The following WDTC1 variants were observed in gnomAD, a reference collection of about 807,000 sequenced individuals.
WDTC1 encodes WD and tetratricopeptide repeats protein 1.
In WDTC1, 12 loss-of-function variants were observed where a neutral mutation model predicts 76.0. The observed-to-expected ratio is 0.16, with a 90% CI of 0.10 to 0.26. The LOEUF is 0.26. Ranked by LOEUF, WDTC1 falls within the 10% of genes least tolerant of loss-of-function variation. The probability of loss-of-function intolerance (pLI) is 1.00; values close to 1 mark genes in which losing one functional copy is unlikely to be tolerated. For missense variants in WDTC1, 511 were observed against 908.8 expected (o/e 0.56, Z 5.63); for synonymous variants, 326 against 350.8 (o/e 0.93, Z 0.79).
intron 6 of WDTC1, 148 bp downstream of exon 6, chr1:27,288,009 T>C: frequency 1.0e-6 from 1 of 1,001,750 alleles, no homozygotes; most frequent in South Asian, 1.7e-5. Context: ...CAAACTCCAC[T>C]GGGAACATTT....
At chr1:27,275,222 T>G (rs1489483586) in intron 3 of WDTC1, among the ~76,000 whole-genome samples, 1 of 152,196 alleles carries the variant, frequency 6.6e-6, no homozygotes, top group East Asian at 1.9e-4. Context: ...ACATTCAAAT[T>G]ATGAATTTAT....
chr1:27,256,251 G>C (rs981538381), intron 1 of WDTC1, among the ~76,000 whole-genome samples: 1 of 152,084 alleles, frequency 6.6e-6, no homozygotes, highest in Non-Finnish European at 1.5e-5. Flanking sequence ...AATGGCCACT[G>C]TGGCCACCCC....
chr1:27,308,174 C>G lies in WDTC1; in HGVS notation c.*1791C>G, dbSNP rs1177962941. 6.6e-6 allele frequency: 1 copy of G among 152,206 alleles called. No individual in the cohort carries two copies. Among genetic ancestry groups the G allele is most frequent in the Non-Finnish European group, 1.5e-5 (1 of 68,070 alleles). The allele number at this position is 152,206 out of a possible 1,614,324, so 9.4% of individuals were successfully genotyped here. ...CTTACTGTCCTCTGGGGGCAGGAGC[C>G]GAGCCTTTTTGTTGCTCCGCTCCCA... On this transcript the variant is annotated 3_prime_UTR_variant, in exon 16 of 16. Coordinates refer to ENST00000319394, the MANE Select transcript of WDTC1 (RefSeq NM_001276252.2).
rs34447091 is a variant in WDTC1 at position 27,269,164 on chromosome 1, CAAAAAAAAAAA to C, written c.132+5946_132+5956del. 5.2e-3 allele frequency among the ~76,000 whole-genome samples: 304 copies of C among 58,852 alleles called. 1 individual carries two copies. The highest frequency in any genetic ancestry group is 0.017 in the African/African-American group (186 of 11,080). The allele number at this position is 58,852 out of a possible 152,430, so 38.6% of individuals were successfully genotyped here. On this transcript the variant is annotated intron_variant, in intron 3 of 15. Coordinates refer to ENST00000319394, the MANE Select transcript of WDTC1 (RefSeq NM_001276252.2). ...GTAACATAAGGAGGCCCTGTTTCTCCAAAAAAAAAAAAAAAAAAAAAAAAAAATCAGCTAGG... is the reference window on the plus strand; with the variant it reads ...GTAACATAAGGAGGCCCTGTTTCTCCAAAAAAAAAAAAAAAATCAGCTAGG...
intron 2 of WDTC1, among the ~76,000 whole-genome samples, chr1:27,262,865 A>G (rs1022821277): frequency 5.9e-5 from 9 of 151,856 alleles, no homozygotes; most frequent in Non-Finnish European, 1.2e-4. Flanking sequence ...CAACCTAAAT[A>G]TGGAACTATT....
intron 3 of WDTC1, among the ~76,000 whole-genome samples, chr1:27,273,206 CTT>C (rs57130485): frequency 9.6e-6 from 1 of 103,670 alleles, no homozygotes; most frequent in East Asian, 2.8e-4. Context: ...TTTTTCTTTT[CTT>C]TTTTTTTTTT....
chr1:27,242,734 G>T lies in WDTC1; in HGVS notation c.-100+7783G>T, dbSNP rs2011668703. Among the ~76,000 whole-genome samples, 4 of 152,114 alleles carry T rather than the reference G, an allele frequency of 2.6e-5. No homozygotes were observed. In the South Asian group the frequency reaches 6.2e-4, roughly 24 times the overall value. The stretch of plus-strand genomic sequence containing the variant: ...TTCACCCACCTCGGCCTCCCAAAGT[G>T]CTGGGATTACAGGCGTGAGCCACCG... On this transcript the variant is annotated intron_variant, in intron 1 of 15. Coordinates refer to ENST00000319394, the MANE Select transcript of WDTC1 (RefSeq NM_001276252.2).
chr1:27,238,123 T>C (rs1158262004), intron 1 of WDTC1, among the ~76,000 whole-genome samples: 1 of 152,148 alleles, frequency 6.6e-6, no homozygotes, highest in Non-Finnish European at 1.5e-5. Flanking sequence ...ATTAAGTTAT[T>C]TGCTTAAGGT....
chr1:27,271,928 C>T (rs1389321875), intron 3 of WDTC1, among the ~76,000 whole-genome samples: 2 of 150,396 alleles, frequency 1.3e-5, no homozygotes, highest in East Asian at 2.0e-4. Flanking sequence ...TAAGCCACTG[C>T]GCCCGGCCTA....
chr1:27,284,267 C>T (rs986764266), intron 5 of WDTC1, among the ~76,000 whole-genome samples: 4 of 152,154 alleles, frequency 2.6e-5, no homozygotes, highest in Non-Finnish European at 4.4e-5. Context: ...CTTGTCCACT[C>T]GCCAGGTGCT....
chr1:27,266,415 T>C (rs2012678522), intron 3 of WDTC1, among the ~76,000 whole-genome samples: 1 of 152,204 alleles, frequency 6.6e-6, no homozygotes. Context: ...AAAATACCTC[T>C]ATAAGCAATA....
chr1:27,253,347 C>G (rs1416683204), intron 1 of WDTC1, among the ~76,000 whole-genome samples: 1 of 150,566 alleles, frequency 6.6e-6, no homozygotes, highest in Non-Finnish European at 1.5e-5. Context: ...CTTCTTCTTT[C>G]TTCTTTCTTC....
At chr1:27,273,271 C>T (rs1204918510) in intron 3 of WDTC1, among the ~76,000 whole-genome samples, 3 of 138,004 alleles carry the variant, frequency 2.2e-5, no homozygotes, top group Admixed American at 8.3e-5. Flanking sequence ...TGCAGTGGCA[C>T]GATCTTGGCT....
At chr1:27,289,559 C>T (rs937397680) in intron 6 of WDTC1, among the ~76,000 whole-genome samples, 5 of 151,578 alleles carry the variant, frequency 3.3e-5, no homozygotes, top group African/African-American at 7.3e-5. Flanking sequence ...CAGGCAGAGA[C>T]GCTCCTCACT....
At chr1:27,288,905 C>T (rs1406644274) in intron 6 of WDTC1, among the ~76,000 whole-genome samples, 9 of 152,126 alleles carry the variant, frequency 5.9e-5, no homozygotes, top group Non-Finnish European at 1.3e-4. Context: ...CAGAGGGGCT[C>T]CTCACTTCCC....
In WDTC1 at chr1:27,256,243, T is replaced by G. The variant is rs1443343892; in HGVS notation, c.-99-4713T>G. 2.0e-5 allele frequency among the ~76,000 whole-genome samples: 3 copies of G among 152,060 alleles called. No individual in the cohort carries two copies. The South Asian group carries it at 6.2e-4, about 32-fold the overall frequency. On this transcript the variant is annotated intron_variant, in intron 1 of 15. Coordinates refer to ENST00000319394, the MANE Select transcript of WDTC1 (RefSeq NM_001276252.2). Reference sequence around the variant, plus strand: ...ACACCACCTGCTGCACTGGACTTAATGGCCACTGTGGCCACCCCTTGCTAC... The same window carrying G: ...ACACCACCTGCTGCACTGGACTTAAGGGCCACTGTGGCCACCCCTTGCTAC...
chr1:27,247,628 T>A (rs2011887060), intron 1 of WDTC1, among the ~76,000 whole-genome samples: 1 of 152,116 alleles, frequency 6.6e-6, no homozygotes, highest in South Asian at 2.1e-4. Context: ...GGCCTCCGGC[T>A]CCATTCATGT....
chr1:27,279,263 G>T (rs1329730161), intron 3 of WDTC1, among the ~76,000 whole-genome samples: 1 of 152,114 alleles, frequency 6.6e-6, no homozygotes, highest in African/African-American at 2.4e-5. Flanking sequence ...GCCGGACACA[G>T]TGGCTCACGC....
At chr1:27,249,667 C>T (rs528449772) in intron 1 of WDTC1, among the ~76,000 whole-genome samples, 1 of 152,128 alleles carries the variant, frequency 6.6e-6, no homozygotes. Flanking sequence ...TAACTTCAAA[C>T]TCCTGGGTTC....
Sources: gnomAD v4.1 joint callset for allele counts (sites outside exome capture counted in the v4.1 genomes callset) on GRCh38, gnomAD v4.1.1 for gene constraint, MANE v1.5 for transcripts, NCBI Gene and HGNC (gene_info 2026-07-23, HGNC 2026-07-21) for gene names.